The following MAML3 variants were observed in gnomAD, a reference collection of about 807,000 sequenced individuals.
The protein encoded by MAML3 is mastermind-like protein 3.
Under a neutral mutation model 101.9 loss-of-function variants are expected in MAML3, and 27 were observed. That is an observed-to-expected ratio of 0.27 (90% CI 0.20 to 0.37). The LOEUF (loss-of-function observed/expected upper bound fraction) is 0.37. Among genes scored for constraint, MAML3 ranks in the 10% least tolerant of loss-of-function variants. The pLI, the probability that MAML3 is intolerant of heterozygous loss-of-function variation, is 1.00. For missense variants in MAML3, 1,316 were observed against 1,444.9 expected (o/e 0.91, Z 1.45); for synonymous variants, 501 against 555.9 (o/e 0.90, Z 1.39).
intron 1 of MAML3, among the ~76,000 whole-genome samples, chr4:140,031,397 T>A (rs1726905502): frequency 6.6e-6 from 1 of 152,184 alleles, no homozygotes; most frequent in Admixed American, 6.5e-5. Context: ...AGTAATTTTT[T>A]CTTATAGACT....
At chr4:139,902,384 T>C (rs1403965098) in intron 1 of MAML3, among the ~76,000 whole-genome samples, 2 of 152,194 alleles carry the variant, frequency 1.3e-5, no homozygotes, top group Non-Finnish European at 2.9e-5. Flanking sequence ...AGATTTTTAC[T>C]CCAAACCTGA....
At chr4:140,011,168 CATATAT>C in intron 1 of MAML3, among the ~76,000 whole-genome samples, 1 of 122,984 alleles carries the variant, frequency 8.1e-6, no homozygotes, top group Non-Finnish European at 1.6e-5. Context: ...ATATATATGA[CATATAT>C]GTCATATATA....
At chr4:139,986,343 A>G (rs1386177508) in intron 1 of MAML3, among the ~76,000 whole-genome samples, 1 of 152,232 alleles carries the variant, frequency 6.6e-6, no homozygotes, top group Admixed American at 6.5e-5. Context: ...CCAAGATCCA[A>G]GGATAAAGCA....
chr4:140,008,240 G>C (rs7692912), intron 1 of MAML3, among the ~76,000 whole-genome samples: 1 of 152,162 alleles, frequency 6.6e-6, no homozygotes, highest in East Asian at 1.9e-4. Context: ...CCAGCTACTC[G>C]GGAAGCTGAG....
chr4:139,900,158 C>T (rs930739367), intron 1 of MAML3, among the ~76,000 whole-genome samples: 1 of 152,198 alleles, frequency 6.6e-6, no homozygotes, highest in Non-Finnish European at 1.5e-5. Flanking sequence ...CTATGGTTCA[C>T]ATTTAAAACT....
At chr4:140,064,036 G>C (rs1727491317) in intron 1 of MAML3, among the ~76,000 whole-genome samples, 1 of 152,076 alleles carries the variant, frequency 6.6e-6, no homozygotes, top group South Asian at 2.1e-4. Flanking sequence ...CTCCTCCTTA[G>C]AACTCCTGGG....
rs192566348 is a variant in MAML3 at position 139,960,876 on chromosome 4, A to G, written c.469-69909T>C. On this transcript the variant is annotated intron_variant, in intron 1 of 4. Coordinates refer to ENST00000509479, the MANE Select transcript of MAML3 (RefSeq NM_018717.5). ...AAGGAAGAGAAAAAAAAAATGAGGC[A>G]AATGTTCTTTAGCCCAAGTCCTTTT... is the stretch of plus-strand genomic sequence containing the variant. Among the ~76,000 whole-genome samples, 198 of 152,292 alleles carry G rather than the reference A, an allele frequency of 1.3e-3. 1 individual carries two copies. The highest frequency in any genetic ancestry group is 2.4e-3 in the Non-Finnish European group (162 of 68,012).
At position 139,720,283 on chromosome 4, in the gene MAML3, G is replaced by A; in HGVS notation, c.2457C>T (p.Ala819=). ...QDIAAVRSQA[A]LQSMRTSRLM... ...GCCGTGACGTTCGCATGCTCTGGAGGGCTGCTTGGCTTCTTACGGCTGCTA... is the reference window on the plus strand; with the variant it reads ...GCCGTGACGTTCGCATGCTCTGGAGAGCTGCTTGGCTTCTTACGGCTGCTA... Residue 819 remains alanine (A), a synonymous_variant, in exon 5 of 5, where the codon GCC becomes GCT. Coordinates refer to ENST00000509479, the MANE Select transcript of MAML3 (RefSeq NM_018717.5). The A allele has an allele frequency of 6.4e-7, 1 of 1,564,652 alleles. No individual in the cohort carries two copies. Among genetic ancestry groups the A allele is most frequent in the Non-Finnish European group, 8.7e-7 (1 of 1,152,876 alleles).
intron 2 of MAML3, among the ~76,000 whole-genome samples, chr4:139,769,252 G>T (rs571774498): frequency 2.0e-5 from 3 of 152,204 alleles, no homozygotes; most frequent in Non-Finnish European, 4.4e-5. Context: ...CAGGAGGAGA[G>T]ATGCATCCCT....
chr4:139,772,150 G>A (rs1211151528), intron 2 of MAML3, among the ~76,000 whole-genome samples: 1 of 138,802 alleles, frequency 7.2e-6, no homozygotes, highest in African/African-American at 2.7e-5. Context: ...TGAGGCAGGA[G>A]AATGGCGTGA....
chr4:139,798,454 T>A (rs1208176833), intron 2 of MAML3, among the ~76,000 whole-genome samples: 1 of 152,192 alleles, frequency 6.6e-6, no homozygotes, highest in African/African-American at 2.4e-5. Flanking sequence ...TCCAAAGTTG[T>A]CAGGCAATAC....
chr4:140,111,070 C>T (rs1471782024), intron 1 of MAML3, among the ~76,000 whole-genome samples: 1 of 152,170 alleles, frequency 6.6e-6, no homozygotes, highest in Non-Finnish European at 1.5e-5. Flanking sequence ...AAACATTTAA[C>T]CAGCTGTCAG....
At position 139,716,933 on chromosome 4, in the gene MAML3, G is replaced by T. The variant is rs1560764262; in HGVS notation, c.*2390C>A. ...AATAAAATGGAGCAAGTTGCCAGAG[G>T]TCATACAGTACAAATTAGTAATTAG... On this transcript the variant is annotated 3_prime_UTR_variant, in exon 5 of 5. Transcript: ENST00000509479. 6.6e-6 allele frequency: 1 copy of T among 152,512 alleles called. No homozygotes were observed. The highest frequency in any genetic ancestry group is 1.5e-5 in the Non-Finnish European group (1 of 68,038). 9.4% of individuals were successfully genotyped at this position (152,512 alleles called of 1,614,324 possible).
chr4:139,719,828 A>G lies in MAML3; in HGVS notation c.2912T>C (p.Met971Thr). The G allele has an allele frequency of 6.2e-7, 1 of 1,613,628 alleles. No individual in the cohort carries two copies. Among genetic ancestry groups the G allele is most frequent in the Non-Finnish European group, 8.5e-7 (1 of 1,179,898 alleles). Reference protein sequence around the residue: ...QSWQQRSLQGMPGRTSGELGP... With the variant: ...QSWQQRSLQGTPGRTSGELGP... ...CAATTCTCCACTAGTCCTCCCAGGC[A>G]TGCCCTGCAAGCTCCTCTGTTGCCA... Residue 971 changes from methionine (M) to threonine (T), a missense_variant, in exon 5 of 5, where the codon ATG becomes ACG. Transcript: ENST00000509479.
chr4:139,941,543 TG>T (rs1366771775), intron 1 of MAML3, among the ~76,000 whole-genome samples: 4,458 of 141,868 alleles, frequency 0.031, 218 homozygotes, highest in African/African-American at 0.12. Flanking sequence ...TTGTTGTTGT[TG>T]GTGGTGGTGG....
chr4:140,149,940 T>TTTC (rs1553981679), intron 1 of MAML3, among the ~76,000 whole-genome samples: 104 of 1,240 alleles, frequency 0.084, no homozygotes, highest in South Asian at 0.12. Context: ...TGTTTCTTTC[T>TTTC]TTTTTTTTTT....
At chr4:139,987,017 A>T (rs1170763968) in intron 1 of MAML3, among the ~76,000 whole-genome samples, 2 of 152,114 alleles carry the variant, frequency 1.3e-5, no homozygotes, top group Non-Finnish European at 2.9e-5. Flanking sequence ...TGCACTATCA[A>T]CCTGAGGGCT....
intron 1 of MAML3, among the ~76,000 whole-genome samples, chr4:139,960,376 T>C (rs193115225): frequency 6.6e-6 from 1 of 152,310 alleles, no homozygotes; most frequent in Non-Finnish European, 1.5e-5. Context: ...CCTTTTAAAA[T>C]TGGACAAAGC....
At chr4:139,795,394 A>G (rs1215699620) in intron 2 of MAML3, among the ~76,000 whole-genome samples, 2 of 152,336 alleles carry the variant, frequency 1.3e-5, no homozygotes, top group Non-Finnish European at 1.5e-5. Context: ...TTTATGTGCC[A>G]TGCATATTAT....
Sources: allele counts gnomAD v4.1 joint callset (sites outside exome capture counted in the v4.1 genomes callset), GRCh38; gene constraint gnomAD v4.1.1; transcripts MANE v1.5; gene names NCBI Gene and HGNC (gene_info 2026-07-23, HGNC 2026-07-21).